Variants in ABCB5 observed in about 807,000 individuals in gnomAD.
The protein encoded by ABCB5 is ATP binding cassette subfamily B member 5, also known as ATP-binding cassette sub-family B member 5.
In ABCB5, 155 loss-of-function variants were observed where a neutral mutation model predicts 144.2. The ratio of observed to expected loss-of-function variants is 1.08; its 90% CI spans 0.94 to 1.23. ABCB5 has a LOEUF of 1.23. ABCB5 is among the 50% of genes most tolerant of loss of function. The pLI is 0.00. For synonymous variants in ABCB5, 610 were observed against 528.6 expected, an observed-to-expected ratio of 1.15 and a Z score of -2.11; for missense variants, 1,830 against 1,520.8, an observed-to-expected ratio of 1.20 and a Z score of -3.38.
At chr7:20,622,904 G>C (rs540379473) in intron 1 of ABCB5, among the ~76,000 whole-genome samples, 4 of 152,242 alleles carry the variant, frequency 2.6e-5, no homozygotes, top group Middle Eastern at 3.4e-3. Flanking sequence ...GCATGAGATA[G>C]ATTAAAAATT....
intron 5 of ABCB5, among the ~76,000 whole-genome samples, chr7:20,635,448 G>T (rs753663295): frequency 2.7e-5 from 4 of 150,336 alleles, no homozygotes; most frequent in Non-Finnish European, 4.4e-5. Context: ...TGTGAAAAAT[G>T]ACATTGGCAT....
chr7:20,746,888 G>T (rs1207824199), intron 26 of ABCB5, among the ~76,000 whole-genome samples: 1 of 152,150 alleles, frequency 6.6e-6, no homozygotes, highest in Admixed American at 6.5e-5. Context: ...TCACTTTAAA[G>T]GGAGATAGTT....
intron 9 of ABCB5, chr7:20,647,230 C>A (rs1344099938): frequency 2.5e-5 from 26 of 1,050,334 alleles, no homozygotes; most frequent in Non-Finnish European, 2.7e-5. Flanking sequence ...CTTCAGTTAG[C>A]AGATTTTTCT....
intron 14 of ABCB5, chr7:20,659,269 G>A (rs776739256): frequency 1.5e-5 from 22 of 1,485,768 alleles, no homozygotes; most frequent in Non-Finnish European, 2.0e-5. Flanking sequence ...GTTGGCAGTG[G>A]CGGTATGAAA....
At chr7:20,625,982 T>A (rs1014396405) in intron 2 of ABCB5, among the ~76,000 whole-genome samples, 2 of 152,134 alleles carry the variant, frequency 1.3e-5, no homozygotes, top group Non-Finnish European at 2.9e-5. Flanking sequence ...CCTACTACAA[T>A]GTGGATGAAA....
At chr7:20,681,044 C>T (rs1562559049) in intron 14 of ABCB5, among the ~76,000 whole-genome samples, 1 of 5,640 alleles carries the variant, frequency 1.8e-4, no homozygotes, top group Non-Finnish European at 3.9e-4. Flanking sequence ...CTCTTTCTTT[C>T]TTTCTCTCTC....
intron 24 of ABCB5, among the ~76,000 whole-genome samples, chr7:20,740,192 A>G (rs545529600): frequency 5.5e-4 from 84 of 152,350 alleles, no homozygotes; most frequent in African/African-American, 1.9e-3. Context: ...GTGAGCCGAG[A>G]TCACGCCACT....
chr7:20,663,993 G>T (rs1785088971), intron 14 of ABCB5, among the ~76,000 whole-genome samples: 1 of 151,220 alleles, frequency 6.6e-6, no homozygotes, highest in East Asian at 1.9e-4. Flanking sequence ...TGGGTTTACA[G>T]GCATGAGCCA....
chr7:20,631,800 A>G (rs1784043806), intron 4 of ABCB5, among the ~76,000 whole-genome samples: 1 of 152,158 alleles, frequency 6.6e-6, no homozygotes, highest in African/African-American at 2.4e-5. Flanking sequence ...AGATGTCCCA[A>G]ATAATTCTTT....
chr7:20,619,417 T>C (rs572147925), intron 1 of ABCB5, among the ~76,000 whole-genome samples: 3 of 152,314 alleles, frequency 2.0e-5, no homozygotes, highest in East Asian at 3.9e-4. Flanking sequence ...GTGGTTTTGA[T>C]TTACAATTTT....
chr7:20,679,287 G>C (rs1454135657), intron 14 of ABCB5, among the ~76,000 whole-genome samples: 1 of 151,846 alleles, frequency 6.6e-6, no homozygotes, highest in African/African-American at 2.4e-5. Context: ...GGCCAACATG[G>C]TAAAACCCCA....
At position 20,698,478 on chromosome 7, in the gene ABCB5, G is replaced by A; in HGVS notation, c.2082G>A (p.Leu694=). The change falls in exon 17 of 28, where the codon CTG becomes CTA. Residue 694 remains leucine (L), a synonymous_variant. Transcript: ENST00000404938. ...LNKPEWPFVV[L]GTLASVLNGT... ...AGCCTGAATGGCCTTTTGTGGTTCT[G>A]GGGACATTGGCTTCTGTTCTAAATG... 1 of 1,603,740 alleles carries A rather than the reference G, an allele frequency of 6.2e-7. No homozygotes were observed. Among genetic ancestry groups the A allele is most frequent in the Non-Finnish European group, 8.5e-7 (1 of 1,176,492 alleles).
At chr7:20,652,053 A>G (rs115406366) in intron 13 of ABCB5, among the ~76,000 whole-genome samples, 2,338 of 152,316 alleles carry the variant, frequency 0.015, 63 homozygotes, top group African/African-American at 0.054. Context: ...TCTGCAATTG[A>G]AAAAGAAAAA....
At chr7:20,639,277 G>A (rs1301338783) in intron 5 of ABCB5, among the ~76,000 whole-genome samples, 3 of 152,078 alleles carry the variant, frequency 2.0e-5, no homozygotes, top group South Asian at 2.1e-4. Flanking sequence ...ATATACAATT[G>A]GCAAATATTT....
At chr7:20,746,709 C>T (rs17143321) in intron 26 of ABCB5, among the ~76,000 whole-genome samples, 2,384 of 152,112 alleles carry the variant, frequency 0.016, 65 homozygotes, top group African/African-American at 0.054. Flanking sequence ...TGATACAAAT[C>T]CAAAAACAGT....
chr7:20,679,435 C>T (rs577106187), intron 14 of ABCB5, among the ~76,000 whole-genome samples: 2 of 141,390 alleles, frequency 1.4e-5, no homozygotes, highest in African/African-American at 5.3e-5. Context: ...CATGCCATTG[C>T]ACTCCCGCCT....
At chr7:20,677,721 T>C (rs1785662018) in intron 14 of ABCB5, among the ~76,000 whole-genome samples, 1 of 152,092 alleles carries the variant, frequency 6.6e-6, no homozygotes, top group Non-Finnish European at 1.5e-5. Context: ...AGAGCGAGAC[T>C]CTGTCTCAAT....
intron 14 of ABCB5, among the ~76,000 whole-genome samples, chr7:20,662,008 G>A (rs1375850900): frequency 6.6e-6 from 1 of 152,172 alleles, no homozygotes; most frequent in African/African-American, 2.4e-5. Flanking sequence ...AGGTTTCCAA[G>A]CTGCCCCACT....
At chr7:20,625,795 G>A (rs368670705) in intron 2 of ABCB5, among the ~76,000 whole-genome samples, 42 of 152,158 alleles carry the variant, frequency 2.8e-4, no homozygotes, top group African/African-American at 8.4e-4. Flanking sequence ...TTCTACTTCC[G>A]GGTATATACT....
Sources: allele counts gnomAD v4.1 joint callset (sites outside exome capture counted in the v4.1 genomes callset), GRCh38; gene constraint gnomAD v4.1.1; transcripts MANE v1.5; gene names NCBI Gene and HGNC (gene_info 2026-07-23, HGNC 2026-07-21).